RNF43: variants seen among roughly 807,000 people sequenced by gnomAD.
The protein encoded by RNF43 is ring finger protein 43.
In RNF43, 37 loss-of-function variants were observed where a neutral mutation model predicts 78.4. That is an observed-to-expected ratio of 0.47 (90% CI 0.36 to 0.62). The LOEUF (loss-of-function observed/expected upper bound fraction) is 0.62, where lower values mean the gene tolerates loss of function less well. RNF43 is among the 20% of genes least tolerant of loss of function. RNF43 has a pLI of 0.00. For missense variants in RNF43, 774 were observed against 1,007.9 expected (o/e 0.77, Z 3.14); for synonymous variants, 347 against 395.0 (o/e 0.88, Z 1.44).
intron 2 of RNF43, among the ~76,000 whole-genome samples, chr17:58,401,391 G>A (rs761658282): frequency 3.9e-5 from 6 of 152,178 alleles, no homozygotes; most frequent in Admixed American, 6.5e-5. Flanking sequence ...CCAAGCCCTC[G>A]TTTCTGTGTA....
intron 2 of RNF43, among the ~76,000 whole-genome samples, chr17:58,378,742 C>A (rs1444749525): frequency 6.6e-6 from 1 of 152,048 alleles, no homozygotes; most frequent in Non-Finnish European, 1.5e-5. Context: ...CTTGGGGGAA[C>A]AGGGGTGCTG....
At chr17:58,377,805 T>C (rs9914181) in intron 2 of RNF43, among the ~76,000 whole-genome samples, 3,180 of 152,098 alleles carry the variant, frequency 0.021, 117 homozygotes, top group African/African-American at 0.071. Flanking sequence ...TTTGCCTTTG[T>C]AATCAAGAAC....
Position 58,415,418 on chromosome 17 carries a change from T to G in RNF43, c.160A>C (p.Lys54Gln). 2 of 1,614,248 alleles carry G rather than the reference T, an allele frequency of 1.2e-6. No individual in the cohort carries two copies. The highest frequency in any genetic ancestry group is 1.7e-6 in the Non-Finnish European group (2 of 1,180,030). Residue 54 changes from lysine (K) to glutamine (Q), a missense_variant, in exon 2 of 10, where the codon AAA becomes CAA. Transcript: ENST00000407977. ...QKAIIRVIPLKMDPTGKLNLT... is the reference protein window; with the variant it reads ...QKAIIRVIPLQMDPTGKLNLT... ...TTCAGTTTTCCTGTGGGGTCCATTTTCAAGGGGATCACTCTGATAATAGCT... is the reference window on the plus strand; with the variant it reads ...TTCAGTTTTCCTGTGGGGTCCATTTGCAAGGGGATCACTCTGATAATAGCT...
chr17:58,403,278 T>C (rs567871391), intron 2 of RNF43, among the ~76,000 whole-genome samples: 13 of 152,310 alleles, frequency 8.5e-5, no homozygotes, highest in Non-Finnish European at 1.8e-4. Flanking sequence ...GTTGCAAGTT[T>C]GCATTCAAAA....
chr17:58,366,404 T>C (rs1972950726), intron 3 of RNF43, among the ~76,000 whole-genome samples: 1 of 152,138 alleles, frequency 6.6e-6, no homozygotes, highest in Non-Finnish European at 1.5e-5. Context: ...AAGATGGTGT[T>C]GAAAGCATGC....
intron 2 of RNF43, among the ~76,000 whole-genome samples, chr17:58,392,943 T>A (rs1417226349): frequency 6.6e-6 from 1 of 152,206 alleles, no homozygotes; most frequent in Non-Finnish European, 1.5e-5. Context: ...ACATTTGACA[T>A]TACAGGTGAC....
intron 2 of RNF43, among the ~76,000 whole-genome samples, chr17:58,406,217 T>G (rs1370105883): frequency 6.6e-5 from 10 of 152,220 alleles, no homozygotes; most frequent in Admixed American, 6.5e-4. Flanking sequence ...GCAGTCTATA[T>G]CTTCTTAATG....
intron 2 of RNF43, among the ~76,000 whole-genome samples, chr17:58,380,275 C>T (rs1973285568): frequency 6.6e-6 from 1 of 152,234 alleles, no homozygotes; most frequent in African/African-American, 2.4e-5. Context: ...AAGAAGTCCT[C>T]TGCAGAAAGG....
At chr17:58,381,507 C>T (rs1055572571) in intron 2 of RNF43, among the ~76,000 whole-genome samples, 12 of 152,158 alleles carry the variant, frequency 7.9e-5, no homozygotes, top group African/African-American at 2.9e-4. Flanking sequence ...TTATTCCCAC[C>T]CACAGTGTAG....
At chr17:58,408,409 G>C (rs879589772) in intron 2 of RNF43, among the ~76,000 whole-genome samples, 1 of 152,144 alleles carries the variant, frequency 6.6e-6, no homozygotes, top group Non-Finnish European at 1.5e-5. Context: ...AAACCAGAAC[G>C]GGTAATCACA....
intron 2 of RNF43, among the ~76,000 whole-genome samples, chr17:58,401,546 C>T (rs1973800704): frequency 6.6e-6 from 1 of 152,226 alleles, no homozygotes; most frequent in South Asian, 2.1e-4. Flanking sequence ...CAGGCTCTAA[C>T]TCAAACCTCC....
intron 2 of RNF43, among the ~76,000 whole-genome samples, chr17:58,385,780 A>ACCT (rs1973417824): frequency 6.6e-6 from 1 of 152,176 alleles, no homozygotes; most frequent in African/African-American, 2.4e-5. Context: ...ATCTCTTCCA[A>ACCT]GCTGTGGGTA....
chr17:58,390,318 TA>T (rs869142834), intron 2 of RNF43, among the ~76,000 whole-genome samples: 1 of 152,110 alleles, frequency 6.6e-6, no homozygotes. Flanking sequence ...ATCCTTTTTT[TA>T]AAAAAAATTT....
rs572622513 is a variant in RNF43, at chr17:58,403,554, G to A, written c.252+11772C>T. Among the ~76,000 whole-genome samples the A allele has an allele frequency of 1.4e-3, 220 of 152,254 alleles. 1 individual carries two copies. Among genetic ancestry groups the A allele is most frequent in the Non-Finnish European group, 2.7e-3 (187 of 68,014 alleles). ...CTCTGCTGAAGGCCTCTAAGAAGGC[G>A]CTTTTGTGTCTACTGTATGGCCCTC... On this transcript the variant is annotated intron_variant, in intron 2 of 9. Coordinates refer to ENST00000407977, the MANE Select transcript of RNF43 (RefSeq NM_017763.6).
chr17:58,414,271 CTTCT>C (rs913127745), intron 2 of RNF43, among the ~76,000 whole-genome samples: 8 of 152,160 alleles, frequency 5.3e-5, no homozygotes, highest in Non-Finnish European at 1.2e-4. Flanking sequence ...ATTTTCCTAT[CTTCT>C]TTAAGTAGAC....
At chr17:58,403,214 A>G (rs1301075865) in intron 2 of RNF43, among the ~76,000 whole-genome samples, 1 of 152,188 alleles carries the variant, frequency 6.6e-6, no homozygotes, top group Non-Finnish European at 1.5e-5. Context: ...ACTTAGTTAT[A>G]TTAGGCTCTC....
At chr17:58,390,420 C>T (rs1973528387) in intron 2 of RNF43, among the ~76,000 whole-genome samples, 1 of 152,160 alleles carries the variant, frequency 6.6e-6, no homozygotes. Flanking sequence ...GCAAAAGAGT[C>T]TAGCTGCTTT....
intron 2 of RNF43, among the ~76,000 whole-genome samples, chr17:58,391,699 A>G (rs887134598): frequency 7.2e-5 from 11 of 152,188 alleles, no homozygotes; most frequent in Admixed American, 2.6e-4. Flanking sequence ...CACCCGTCAG[A>G]TATTATCAAA....
intron 2 of RNF43, among the ~76,000 whole-genome samples, chr17:58,412,357 G>A (rs1415653545): frequency 6.6e-6 from 1 of 152,144 alleles, no homozygotes; most frequent in Admixed American, 6.5e-5. Context: ...GAGAGGACTT[G>A]AGAAATAGAA....
Sources: allele counts gnomAD v4.1 joint callset (sites outside exome capture counted in the v4.1 genomes callset), GRCh38; gene constraint gnomAD v4.1.1; transcripts MANE v1.5; gene names NCBI Gene and HGNC (gene_info 2026-07-23, HGNC 2026-07-21).